The following ARRDC3 variants were observed in gnomAD, a reference collection of about 807,000 sequenced individuals.
The protein encoded by ARRDC3 is arrestin domain-containing protein 3.
Under a neutral mutation model 47.2 loss-of-function variants are expected in ARRDC3, and 10 were observed. The observed-to-expected ratio is 0.21, with a 90% CI of 0.13 to 0.36. ARRDC3 has a LOEUF of 0.36. ARRDC3 is among the 10% of genes least tolerant of loss of function. The pLI, the probability that ARRDC3 is intolerant of heterozygous loss-of-function variation, is 1.00. For synonymous variants in ARRDC3, 156 were observed against 178.3 expected (o/e 0.87, Z 1.00); for missense variants, 381 against 503.6 (o/e 0.76, Z 2.33).
intron 5 of ARRDC3, 38 bp from the exon 6 acceptor site, chr5:91,374,314 A>G (rs1365482640): frequency 6.4e-7 from 1 of 1,560,166 alleles, no homozygotes; most frequent in South Asian, 1.2e-5. Flanking sequence ...TAGAATGCCA[A>G]GTATGATTTC....
At chr5:91,373,612 GA>G (rs1030971673) in intron 7 of ARRDC3, 71 bp downstream of exon 7, 115 of 1,348,422 alleles carry the variant, frequency 8.5e-5, no homozygotes, top group Non-Finnish European at 8.6e-5. Flanking sequence ...ATAACATTAA[GA>G]AAAAAAAATG....
At chr5:91,371,847 C>A (rs1799184891) in intron 7 of ARRDC3, among the ~76,000 whole-genome samples, 1 of 152,148 alleles carries the variant, frequency 6.6e-6, no homozygotes, top group Admixed American at 6.6e-5. Context: ...TTGTAAAGCA[C>A]CCCTTTCATC....
chr5:91,378,747 G>A lies in ARRDC3; in HGVS notation c.309C>T (p.His103=). ...ATTCATGCCTTCCTGAATGAATAGT[G>A]TGGAAGCCTTCTTCGGAATTATCAT... ...RDDDNSEEGF[H]TIHSGRHEYA... Residue 103 remains histidine, a synonymous_variant, in exon 2 of 8, where the codon CAC becomes CAT. Transcript: ENST00000265138. 2.5e-6 allele frequency: 4 copies of A among 1,598,522 alleles called. No homozygotes were observed. The highest frequency in any genetic ancestry group is 2.6e-6 in the Non-Finnish European group (3 of 1,174,096).
At chr5:91,379,127 C>A (rs1026689480) in intron 1 of ARRDC3, among the ~76,000 whole-genome samples, 2 of 152,086 alleles carry the variant, frequency 1.3e-5, no homozygotes, top group Admixed American at 1.3e-4. Flanking sequence ...TATCCTTTGT[C>A]TCCAACGGTT....
intron 5 of ARRDC3, 43 bp from the exon 6 acceptor site, chr5:91,374,319 G>T (rs376935799): frequency 5.1e-5 from 79 of 1,542,170 alleles, no homozygotes; most frequent in Non-Finnish European, 6.4e-5. Context: ...TGCCAAGTAT[G>T]ATTTCCTTTT....
intron 1 of ARRDC3, among the ~76,000 whole-genome samples, chr5:91,379,454 T>C (rs1203910972): frequency 6.6e-6 from 1 of 152,152 alleles, no homozygotes; most frequent in Non-Finnish European, 1.5e-5. Flanking sequence ...ATACCTTAGA[T>C]AATTACAAAG....
rs1365961142 is a variant in ARRDC3 at position 91,370,438 on chromosome 5, T to C, written c.*962A>G. 1 of 152,596 alleles carries C rather than the reference T, an allele frequency of 6.6e-6. No homozygotes were observed. Among genetic ancestry groups the C allele is most frequent in the African/African-American group, 2.4e-5 (1 of 41,444 alleles). 9.5% of individuals were successfully genotyped at this position (152,596 alleles called of 1,614,324 possible). A position where few individuals can be genotyped will look rare whatever the true frequency, so the allele number is the denominator to read the frequency against. ...AGGGAATGTGGGTGTGTAACTTTTG[T>C]GTATGTCCCGTTTCCAAATTTCCCT... On this transcript the variant is annotated 3_prime_UTR_variant, in exon 8 of 8. Coordinates refer to ENST00000265138, the MANE Select transcript of ARRDC3 (RefSeq NM_020801.4).
chr5:91,378,776 C>A lies in ARRDC3; in HGVS notation c.281-1G>T. The A allele has an allele frequency of 6.4e-7, 1 of 1,572,748 alleles. No homozygotes were observed. Among genetic ancestry groups the A allele is most frequent in the Non-Finnish European group, 8.6e-7 (1 of 1,158,190 alleles). ...AAGCCTTCTTCGGAATTATCATCAT[C>A]TAAAACAAACATAAAAAGAAAACAA... On this transcript the variant is annotated splice_acceptor_variant, in intron 1 of 7. Transcript: ENST00000265138. LOFTEE classifies it high-confidence loss of function.
chr5:91,371,676 A>T (rs1303336532), intron 7 of ARRDC3, among the ~76,000 whole-genome samples: 4 of 152,152 alleles, frequency 2.6e-5, no homozygotes. Flanking sequence ...TAATTACTAG[A>T]TTAACAAGCT....
intron 6 of ARRDC3, 88 bp downstream of exon 6, chr5:91,374,026 C>A: frequency 6.7e-7 from 1 of 1,483,082 alleles, no homozygotes; most frequent in Non-Finnish European, 9.2e-7. Flanking sequence ...AGATTATGTT[C>A]ATCTAGGGTC....
rs1411493667 is a variant in ARRDC3 at position 91,382,766 on chromosome 5, T to A, written c.280+47A>T. On this transcript the variant is annotated intron_variant, in intron 1 of 7. Transcript: ENST00000265138. Reference sequence around the variant, plus strand: ...TAATTCAGAAAACTGAAAAGGTACGTTTCCAAAGAAAATGAGTCCAATGAC... The same window carrying A: ...TAATTCAGAAAACTGAAAAGGTACGATTCCAAAGAAAATGAGTCCAATGAC... 1.9e-6 allele frequency: 3 copies of A among 1,555,508 alleles called. No individual in the cohort carries two copies. In the African/African-American group the frequency reaches 4.1e-5, roughly 21 times the overall value.
chr5:91,378,056 T>G lies in ARRDC3; in HGVS notation c.362+638A>C, dbSNP rs187917512. Among the ~76,000 whole-genome samples the G allele has an allele frequency of 2.1e-3, 322 of 152,192 alleles. 2 individuals carry two copies. The highest frequency in any genetic ancestry group is 6.9e-3 in the African/African-American group (285 of 41,560). ...TATCATCTCTTCCAACAATCTGTCA[T>G]TACTTTAAGAATATACCACTTTCCT... On this transcript the variant is annotated intron_variant, in intron 2 of 7. Coordinates refer to ENST00000265138, the MANE Select transcript of ARRDC3 (RefSeq NM_020801.4).
chr5:91,380,162 A>C (rs1224147865), intron 1 of ARRDC3: 1 of 155,068 alleles, frequency 6.4e-6, no homozygotes, highest in Non-Finnish European at 1.4e-5. Context: ...AGACCGGAGC[A>C]GGAGAGGACC....
Position 91,382,800 on chromosome 5 carries a change from A to T in ARRDC3, c.280+13T>A. On this transcript the variant is annotated intron_variant, in intron 1 of 7. Coordinates refer to ENST00000265138, the MANE Select transcript of ARRDC3 (RefSeq NM_020801.4). ...AAAATGAGTCCAATGACTTATGAAT[A>T]ACAAAAACTTACCTCTTTCGTGCCC... 1 of 1,604,936 alleles carries T rather than the reference A, an allele frequency of 6.2e-7. No individual in the cohort carries two copies. Among genetic ancestry groups the T allele is most frequent in the Non-Finnish European group, 8.5e-7 (1 of 1,175,826 alleles).
rs563624516 is a variant in ARRDC3 at position 91,372,864 on chromosome 5, C to T, written c.1188+820G>A. On this transcript the variant is annotated intron_variant, in intron 7 of 7. Transcript: ENST00000265138. ...TTACAGAATTATTTTGGTATCAAAA[C>T]CAACTCCAAAACCCCTTAAAAATGT... Among the ~76,000 whole-genome samples the T allele has an allele frequency of 2.0e-5, 3 of 152,128 alleles. No homozygotes were observed. In the South Asian group the frequency reaches 6.2e-4, roughly 32 times the overall value.
Position 91,368,804 on chromosome 5 carries a change from T to C in ARRDC3, c.*2596A>G, listed in dbSNP as rs1373296500. 1 of 152,616 alleles carries C rather than the reference T, an allele frequency of 6.6e-6. No homozygotes were observed. Among genetic ancestry groups the C allele is most frequent in the Admixed American group, 6.5e-5 (1 of 15,280 alleles). The allele number at this position is 152,616 out of a possible 1,614,324, so 9.5% of individuals were successfully genotyped here. On this transcript the variant is annotated 3_prime_UTR_variant, in exon 8 of 8. Transcript: ENST00000265138. ...GAAAAATTAAATCATTTCCCACATA[T>C]TGTTTTCTTAAAACAGAGCCTACAA...
Position 91,378,788 on chromosome 5 carries a change from T to C in ARRDC3, c.281-13A>G, listed in dbSNP as rs749973041. 1 of 1,549,324 alleles carries C rather than the reference T, an allele frequency of 6.5e-7. No homozygotes were observed. The highest frequency in any genetic ancestry group is 1.9e-5 in the Admixed American group (1 of 51,634). On this transcript the variant is annotated splice_polypyrimidine_tract_variant and intron_variant, in intron 1 of 7. Transcript: ENST00000265138. ...GAATTATCATCATCTAAAACAAACA[T>C]AAAAAGAAAACAAAGAATTTATTAT...
chr5:91,373,093 A>G (rs1465223510), intron 7 of ARRDC3, among the ~76,000 whole-genome samples: 1 of 152,210 alleles, frequency 6.6e-6, no homozygotes, highest in Non-Finnish European at 1.5e-5. Flanking sequence ...TGTGCATTTT[A>G]TCACATTATT....
At chr5:91,379,592 A>AT (rs1247909367) in intron 1 of ARRDC3, among the ~76,000 whole-genome samples, 1 of 152,100 alleles carries the variant, frequency 6.6e-6, no homozygotes, top group Admixed American at 6.5e-5. Context: ...TTTACAACCA[A>AT]TTTTTTTGGT....
Sources: allele counts gnomAD v4.1 joint callset (sites outside exome capture counted in the v4.1 genomes callset), GRCh38; gene constraint gnomAD v4.1.1; transcripts MANE v1.5; gene names NCBI Gene and HGNC (gene_info 2026-07-23, HGNC 2026-07-21).